MAP3K13: variants seen among roughly 807,000 people sequenced by gnomAD.
MAP3K13 encodes the protein mitogen-activated protein kinase kinase kinase 13.
Under a neutral mutation model 104.0 loss-of-function variants are expected in MAP3K13, and 52 were observed. The observed-to-expected ratio is 0.50, with a 90% CI of 0.40 to 0.63. MAP3K13 has a LOEUF of 0.63. Among genes scored for constraint, MAP3K13 ranks in the 20% least tolerant of loss-of-function variants. The pLI is 0.00. For synonymous variants in MAP3K13, 394 were observed against 442.2 expected, an observed-to-expected ratio of 0.89 and a Z score of 1.37; for missense variants, 914 against 1,218.5, an observed-to-expected ratio of 0.75 and a Z score of 3.72.
Position 185,367,301 on chromosome 3 carries a change from G to T in MAP3K13, c.-86+3933G>T, listed in dbSNP as rs569969483. On this transcript the variant is annotated intron_variant, in intron 1 of 13. Transcript: ENST00000265026. Reference sequence around the variant, plus strand: ...TTGGTTTGTGATGGGACCCAGTGATGATGTATTTTTAAAAAGCTTCCCAGC... The same window carrying T: ...TTGGTTTGTGATGGGACCCAGTGATTATGTATTTTTAAAAAGCTTCCCAGC... Among the ~76,000 whole-genome samples, 18 of 152,250 alleles carry T rather than the reference G, an allele frequency of 1.2e-4. No homozygotes were observed. The South Asian group carries it at 3.7e-3, about 32-fold the overall frequency.
intron 7 of MAP3K13, among the ~76,000 whole-genome samples, chr3:185,460,576 T>C (rs1717041273): frequency 6.6e-6 from 1 of 152,204 alleles, no homozygotes; most frequent in South Asian, 2.1e-4. Context: ...CCTTTCTTCA[T>C]ATGTGCCCAG....
chr3:185,455,226 T>G (rs943523966), intron 7 of MAP3K13, among the ~76,000 whole-genome samples: 12 of 96,168 alleles, frequency 1.2e-4, no homozygotes, highest in Admixed American at 1.5e-4. Flanking sequence ...ATATATATGA[T>G]ATATATGAGA....
intron 2 of MAP3K13, chr3:185,285,660 G>T (rs994892187): frequency 2.6e-6 from 4 of 1,531,958 alleles, no homozygotes; most frequent in Admixed American, 2.0e-5. Context: ...AGTTGACTGT[G>T]TTTTATGTTT....
chr3:185,418,511 C>T lies in MAP3K13; in HGVS notation c.-85-9986C>T. 3 of 1,612,034 alleles carry T rather than the reference C, an allele frequency of 1.9e-6. No homozygotes were observed. The highest frequency in any genetic ancestry group is 2.2e-5 in the South Asian group (2 of 90,986). Reference sequence around the variant, plus strand: ...CCACGACACATGTTTCCAAAAGCACCCTGGCCAGAGCGGTGAGTCCCACCA... The same window carrying T: ...CCACGACACATGTTTCCAAAAGCACTCTGGCCAGAGCGGTGAGTCCCACCA... On this transcript the variant is annotated intron_variant, in intron 1 of 13. Coordinates refer to ENST00000265026, the MANE Select transcript of MAP3K13 (RefSeq NM_004721.5). The surrounding 1 kb of genome is among the most constrained non-coding windows in gnomAD (Gnocchi z 4.5).
chr3:185,289,374 G>A (rs895083102), intron 2 of MAP3K13, among the ~76,000 whole-genome samples: 1 of 152,024 alleles, frequency 6.6e-6, no homozygotes, highest in Admixed American at 6.6e-5. Context: ...ATTTATTGTC[G>A]ATGGGTTTAA....
At chr3:185,388,367 T>C (rs1711828979) in intron 1 of MAP3K13, among the ~76,000 whole-genome samples, 2 of 152,086 alleles carry the variant, frequency 1.3e-5, no homozygotes, top group Admixed American at 6.5e-5. Flanking sequence ...CCGGATGTGG[T>C]GGCATGCACC....
intron 1 of MAP3K13, among the ~76,000 whole-genome samples, chr3:185,411,985 C>G (rs750223383): frequency 2.4e-4 from 36 of 151,870 alleles, no homozygotes; most frequent in Non-Finnish European, 4.3e-4. Flanking sequence ...GGTTTCACCA[C>G]GTTGGCCAGG....
At chr3:185,302,099 T>C (rs1721127976) in intron 2 of MAP3K13, among the ~76,000 whole-genome samples, 1 of 152,160 alleles carries the variant, frequency 6.6e-6, no homozygotes, top group South Asian at 2.1e-4. Flanking sequence ...CTAGGTAGTA[T>C]GGACATTTTA....
chr3:185,352,909 A>G (rs1301606813), intron 2 of MAP3K13, among the ~76,000 whole-genome samples: 1 of 152,236 alleles, frequency 6.6e-6, no homozygotes, highest in African/African-American at 2.4e-5. Context: ...ATATAAATTG[A>G]TTGATTCAGG....
At chr3:185,462,494 CG>C (rs1361087241) in intron 7 of MAP3K13, among the ~76,000 whole-genome samples, 1 of 151,986 alleles carries the variant, frequency 6.6e-6, no homozygotes, top group East Asian at 1.9e-4. Flanking sequence ...AAAACAGGGC[CG>C]GGTGCGGTGG....
chr3:185,421,665 CCAAA>C (rs1226216806), intron 1 of MAP3K13, among the ~76,000 whole-genome samples: 2 of 152,104 alleles, frequency 1.3e-5, no homozygotes, highest in African/African-American at 4.8e-5. Context: ...ATTGAAAGGA[CCAAA>C]CAATCAGTTC....
At chr3:185,296,844 C>T (rs1720932815) in intron 2 of MAP3K13, among the ~76,000 whole-genome samples, 1 of 152,126 alleles carries the variant, frequency 6.6e-6, no homozygotes, top group Non-Finnish European at 1.5e-5. Flanking sequence ...TTATTTATAT[C>T]CTGCCTTGTT....
intron 2 of MAP3K13, among the ~76,000 whole-genome samples, chr3:185,288,248 A>G (rs1720600099): frequency 6.6e-6 from 1 of 152,134 alleles, no homozygotes; most frequent in African/African-American, 2.4e-5. Context: ...GAAAGAAAGG[A>G]GATGAACCTG....
intron 1 of MAP3K13, among the ~76,000 whole-genome samples, chr3:185,398,585 A>T (rs1240189775): frequency 2.0e-5 from 3 of 152,202 alleles, no homozygotes; most frequent in Non-Finnish European, 2.9e-5. Flanking sequence ...CTTTCTTTTT[A>T]AAAAATTATT....
intron 9 of MAP3K13, among the ~76,000 whole-genome samples, 162 bp downstream of exon 9, chr3:185,466,025 G>A (rs1258094898): frequency 2.0e-5 from 3 of 152,234 alleles, no homozygotes; most frequent in East Asian, 3.8e-4. Flanking sequence ...TGCCCCTGGC[G>A]AGGTATACAA....
chr3:185,480,064 A>G, intron 12 of MAP3K13, 168 bp from the exon 13 acceptor site: 2 of 670,010 alleles, frequency 3.0e-6, no homozygotes. Context: ...AATTCAGTCC[A>G]TTGCCTTAAT....
Position 185,487,726 on chromosome 3 carries a change from C to T in MAP3K13, c.*5270C>T, listed in dbSNP as rs551365493. The T allele has an allele frequency of 5.9e-5, 9 of 152,222 alleles. No homozygotes were observed. Among genetic ancestry groups the T allele is most frequent in the South Asian group, 2.1e-4 (1 of 4,824 alleles). The allele number at this position is 152,222 out of a possible 1,614,324, so 9.4% of individuals were successfully genotyped here. A position where few individuals can be genotyped will look rare whatever the true frequency, so the allele number is the denominator to read the frequency against. On this transcript the variant is annotated 3_prime_UTR_variant, in exon 14 of 14. Transcript: ENST00000265026. ...TTTGTTTTCCCACTGAGCCAGAAGC[C>T]GAAATATTATACTACCACTTACCAC...
chr3:185,300,698 G>T (rs1721074896), intron 2 of MAP3K13, among the ~76,000 whole-genome samples: 1 of 151,466 alleles, frequency 6.6e-6, no homozygotes. Context: ...CACCATGTTG[G>T]TCAGGCTGGT....
At chr3:185,336,360 G>A (rs1318936282) in intron 2 of MAP3K13, among the ~76,000 whole-genome samples, 1 of 151,954 alleles carries the variant, frequency 6.6e-6, no homozygotes, top group East Asian at 1.9e-4. Context: ...TGGCCAACAT[G>A]GTGAAACCCC....
Sources: gnomAD v4.1 joint callset for allele counts (sites outside exome capture counted in the v4.1 genomes callset) on GRCh38, gnomAD v4.1.1 for gene constraint, Gnocchi (gnomAD v3.1) non-coding constraint, MANE v1.5 for transcripts, NCBI Gene and HGNC (gene_info 2026-07-23, HGNC 2026-07-21) for gene names.